Variants in NBAS observed in about 807,000 individuals in gnomAD.
NBAS encodes the protein NBAS subunit of NRZ tethering complex.
Under a neutral mutation model 302.5 loss-of-function variants are expected in NBAS, and 219 were observed. The observed-to-expected ratio is 0.72, with a 90% CI of 0.65 to 0.81. The LOEUF (loss-of-function observed/expected upper bound fraction) is 0.81. Among genes scored for constraint, NBAS ranks in the 30% least tolerant of loss-of-function variants. NBAS has a pLI of 0.00. For synonymous variants in NBAS, 1,118 were observed against 1,021.6 expected (o/e 1.09, Z -1.80); for missense variants, 2,932 against 2,841.6 (o/e 1.03, Z -0.72).
chr2:15,226,039 A>G (rs1199699208), intron 47 of NBAS, among the ~76,000 whole-genome samples: 1 of 152,202 alleles, frequency 6.6e-6, no homozygotes, highest in African/African-American at 2.4e-5. Context: ...GTATTTTAAT[A>G]AGATCTCCAG....
the NBAS span, among the ~76,000 whole-genome samples, chr2:15,116,386 C>T: frequency 6.6e-6 from 1 of 151,342 alleles, no homozygotes; most frequent in African/African-American, 2.4e-5. Context: ...AGACAGCCAC[C>T]TTCTCACTGC....
chr2:15,210,401 C>T (rs541471357), intron 48 of NBAS, among the ~76,000 whole-genome samples: 28 of 152,172 alleles, frequency 1.8e-4, no homozygotes, highest in African/African-American at 6.3e-4. Context: ...CAGAGAAATG[C>T]AAATCAAAAC....
chr2:14,946,401 G>T, the NBAS span, among the ~76,000 whole-genome samples: 10 of 152,134 alleles, frequency 6.6e-5, no homozygotes. Context: ...TACAGGCCAG[G>T]AGTGGGATGG....
chr2:14,786,243 T>C, the NBAS span, among the ~76,000 whole-genome samples: 1 of 152,122 alleles, frequency 6.6e-6, no homozygotes, highest in Non-Finnish European at 1.5e-5. Flanking sequence ...TAGCAGTCTA[T>C]CAATTTTGTT....
At chr2:14,798,099 C>G in the NBAS span, among the ~76,000 whole-genome samples, 2,119 of 152,074 alleles carry the variant, frequency 0.014, 58 homozygotes, top group African/African-American at 0.047. Flanking sequence ...TTTGTCTTGC[C>G]TTATTCTAAT....
At chr2:14,783,462 C>A in the NBAS span, among the ~76,000 whole-genome samples, 1 of 114,634 alleles carries the variant, frequency 8.7e-6, no homozygotes, top group Non-Finnish European at 1.8e-5. Flanking sequence ...TAATGCTATC[C>A]CTCCCCCCTC....
chr2:15,084,777 A>T, the NBAS span, among the ~76,000 whole-genome samples: 356 of 152,180 alleles, frequency 2.3e-3, 2 homozygotes, highest in Non-Finnish European at 2.9e-3. Context: ...AAGTTGGTTC[A>T]CTCAGGGTGT....
chr2:15,097,683 C>T, the NBAS span, among the ~76,000 whole-genome samples: 16 of 151,204 alleles, frequency 1.1e-4, no homozygotes, highest in Admixed American at 9.3e-4. Context: ...GACACTAATC[C>T]CACTCAGGAG....
At chr2:14,980,760 A>ACTCCCAG in the NBAS span, among the ~76,000 whole-genome samples, 1 of 152,234 alleles carries the variant, frequency 6.6e-6, no homozygotes, top group African/African-American at 2.4e-5. Context: ...TATAAAAGAA[A>ACTCCCAG]CAATCAATTT....
chr2:14,943,046 G>T, the NBAS span, among the ~76,000 whole-genome samples: 1 of 152,196 alleles, frequency 6.6e-6, no homozygotes, highest in Admixed American at 6.6e-5. Context: ...TGAACAGCAT[G>T]TTCTCTCTTT....
In NBAS at chr2:15,190,355, T is replaced by A; in HGVS notation, c.6481A>T (p.Met2161Leu). ...ENEENRYCLF[M>L]ELLESSHHEA... The stretch of plus-strand genomic sequence containing the variant: ...TGGTGACTAGATTCCAGGAGTTCCA[T>A]GAATAGACAGTAGCGGTTCTCTTCA... The change falls in exon 49 of 52, where the codon ATG becomes TTG. Residue 2161 changes from methionine to leucine, a missense_variant. Physicochemically the swap from Met to Leu is conservative, Grantham distance 15. Coordinates refer to ENST00000281513, the MANE Select transcript of NBAS (RefSeq NM_015909.4). 6.2e-7 allele frequency: 1 copy of A among 1,614,034 alleles called. No individual in the cohort carries two copies. Among genetic ancestry groups the A allele is most frequent in the South Asian group, 1.1e-5 (1 of 91,084 alleles).
At chr2:15,152,399 T>A in the NBAS span, among the ~76,000 whole-genome samples, 1 of 152,216 alleles carries the variant, frequency 6.6e-6, no homozygotes, top group Non-Finnish European at 1.5e-5. Flanking sequence ...GCCTCTACAC[T>A]TTGAATTCCT....
the NBAS span, among the ~76,000 whole-genome samples, chr2:14,896,800 G>A: frequency 3.3e-5 from 5 of 152,166 alleles, no homozygotes; most frequent in African/African-American, 4.8e-5. Context: ...ACAAATCACC[G>A]TGAACAACTA....
Position 15,217,783 on chromosome 2 carries a change from A to G in NBAS, c.6432+990T>C, listed in dbSNP as rs751299703. On this transcript the variant is annotated intron_variant, in intron 48 of 51. Coordinates refer to ENST00000281513, the MANE Select transcript of NBAS (RefSeq NM_015909.4). ...ATTTATTCAATCAATAAGGATTTAA[A>G]CTCTGAGTATGTGCACAGGATACTT... Among the ~76,000 whole-genome samples, 4 of 152,340 alleles carry G rather than the reference A, an allele frequency of 2.6e-5. No homozygotes were observed. In the East Asian group the frequency reaches 5.8e-4, roughly 22 times the overall value.
chr2:15,308,177 ACT>A (rs1311928927), intron 40 of NBAS, 37 bp downstream of exon 40: 2 of 1,613,612 alleles, frequency 1.2e-6, no homozygotes, highest in African/African-American at 2.7e-5. Context: ...AAAAGGCTTA[ACT>A]CTGCTCAATA....
At chr2:15,440,358 C>T (rs892285640) in intron 21 of NBAS, among the ~76,000 whole-genome samples, 18 of 152,148 alleles carry the variant, frequency 1.2e-4, no homozygotes, top group African/African-American at 1.4e-4. Context: ...CACGAAAAAC[C>T]GCTATTCTGC....
At chr2:15,176,171 T>A (rs1348578083) in intron 51 of NBAS, among the ~76,000 whole-genome samples, 1 of 152,202 alleles carries the variant, frequency 6.6e-6, no homozygotes, top group South Asian at 2.1e-4. Flanking sequence ...TAGACGTGAG[T>A]CGGGCCAAAA....
chr2:15,293,765 G>T (rs1020914940), intron 40 of NBAS, among the ~76,000 whole-genome samples: 5 of 152,068 alleles, frequency 3.3e-5, no homozygotes, highest in African/African-American at 1.2e-4. Context: ...ATTTGTCAAT[G>T]TCGAGTCTAG....
the NBAS span, among the ~76,000 whole-genome samples, chr2:15,062,610 TAG>T: frequency 6.6e-6 from 1 of 152,202 alleles, no homozygotes; most frequent in Non-Finnish European, 1.5e-5. Context: ...ATGGAAATTA[TAG>T]AGAGTGGTGA....
Sources: gnomAD v4.1 joint callset for allele counts (sites outside exome capture counted in the v4.1 genomes callset) on GRCh38, gnomAD v4.1.1 for gene constraint, MANE v1.5 for transcripts, NCBI Gene and HGNC (gene_info 2026-07-23, HGNC 2026-07-21) for gene names.